Variants in MAST4 observed in about 807,000 individuals in gnomAD.
MAST4 encodes the protein microtubule-associated serine/threonine-protein kinase 4.
In MAST4, 89 loss-of-function variants were observed where a neutral mutation model predicts 162.7. The observed-to-expected ratio is 0.55, with a 90% CI of 0.46 to 0.65. MAST4 has a LOEUF of 0.65. MAST4 is among the 30% of genes least tolerant of loss of function. The pLI, the probability that MAST4 is intolerant of heterozygous loss-of-function variation, is 0.00. For synonymous variants in MAST4, 1,479 were observed against 1,361.1 expected (o/e 1.09, Z -1.91); for missense variants, 3,153 against 3,374.0 (o/e 0.93, Z 1.62).
chr5:66,752,270 A>T (rs898155722), intron 1 of MAST4, among the ~76,000 whole-genome samples: 2 of 152,198 alleles, frequency 1.3e-5, no homozygotes, highest in African/African-American at 4.8e-5. Context: ...CATCATAATG[A>T]CAGGATCAAA....
chr5:66,890,527 A>C (rs1391740543), intron 3 of MAST4, among the ~76,000 whole-genome samples: 1 of 152,202 alleles, frequency 6.6e-6, no homozygotes, highest in South Asian at 2.1e-4. Context: ...CTTCTGCTTT[A>C]AAAGGTCTGT....
chr5:67,114,295 T>C, intron 12 of MAST4, 76 bp downstream of exon 12: 2 of 1,501,236 alleles, frequency 1.3e-6, no homozygotes, highest in South Asian at 2.5e-5. Flanking sequence ...AAGTGGCAAG[T>C]CTTTATTTTT....
chr5:66,869,788 T>C (rs1323047240), intron 3 of MAST4, among the ~76,000 whole-genome samples: 1 of 152,224 alleles, frequency 6.6e-6, no homozygotes, highest in Admixed American at 6.5e-5. Context: ...AGCCCTCATC[T>C]GAGGGTCATT....
intron 14 of MAST4, among the ~76,000 whole-genome samples, 192 bp from the exon 15 acceptor site, chr5:67,130,018 T>C (rs1581664970): frequency 6.6e-6 from 1 of 152,162 alleles, no homozygotes; most frequent in Admixed American, 6.5e-5. Context: ...CTGAAATAAT[T>C]TGAAAAAAAA....
intron 4 of MAST4, among the ~76,000 whole-genome samples, chr5:66,903,438 T>TTG (rs3042310): frequency 0.35 from 51,461 of 148,502 alleles, 9,121 homozygotes; most frequent in Non-Finnish European, 0.41. Flanking sequence ...ACACCTGTGT[T>TTG]TGTGTGTGTG....
At chr5:66,926,162 A>G (rs191088496) in intron 4 of MAST4, among the ~76,000 whole-genome samples, 4 of 152,290 alleles carry the variant, frequency 2.6e-5, no homozygotes, top group Non-Finnish European at 4.4e-5. Context: ...AATTATTTCC[A>G]ATTAGTCTGT....
intron 3 of MAST4, among the ~76,000 whole-genome samples, chr5:66,845,810 A>G (rs1370778287): frequency 6.6e-6 from 1 of 152,126 alleles, no homozygotes; most frequent in African/African-American, 2.4e-5. Flanking sequence ...CTTTAGGAAC[A>G]CTTTAAGATT....
At chr5:66,700,800 TACAC>T (rs10522165) in intron 1 of MAST4, among the ~76,000 whole-genome samples, 14,621 of 90,968 alleles carry the variant, frequency 0.16, 851 homozygotes, top group Admixed American at 0.27. Flanking sequence ...TATATATATA[TACAC>T]ACACACACAC....
intron 4 of MAST4, among the ~76,000 whole-genome samples, chr5:66,919,139 A>ACACACAC (rs1764313474): frequency 4.9e-5 from 4 of 81,096 alleles, no homozygotes. Context: ...CACACACACA[A>ACACACAC]ATTTGAGATT....
At chr5:66,835,933 G>A (rs148917063) in intron 3 of MAST4, among the ~76,000 whole-genome samples, 30 of 152,198 alleles carry the variant, frequency 2.0e-4, no homozygotes, top group Non-Finnish European at 3.7e-4. Context: ...ATTTTGGGAG[G>A]CCGAGGTGGG....
At chr5:66,856,385 T>C (rs1468653389) in intron 3 of MAST4, among the ~76,000 whole-genome samples, 1 of 152,124 alleles carries the variant, frequency 6.6e-6, no homozygotes, top group Non-Finnish European at 1.5e-5. Context: ...ATGGTTTGGA[T>C]GGGAAAATGT....
At position 67,049,008 on chromosome 5, in the gene MAST4, C is replaced by CACACATATATATACGT. The variant is rs1362965159; in HGVS notation, c.675-5395_675-5394insCACATATATATACGTA. On this transcript the variant is annotated intron_variant, in intron 4 of 28. Coordinates refer to ENST00000403625, the MANE Select transcript of MAST4 (RefSeq NM_001164664.2). ...ATATGTATATATATATATACACACA[C>CACACATATATATACGT]ATATATATATATACGTATATATATA... Among the ~76,000 whole-genome samples the CACACATATATATACGT allele has an allele frequency of 9.6e-5, 10 of 104,512 alleles. No individual in the cohort carries two copies. The East Asian group carries it at 1.1e-3, about 11-fold the overall frequency. The allele number at this position is 104,512 out of a possible 152,430, so 68.6% of individuals were successfully genotyped here.
intron 5 of MAST4, among the ~76,000 whole-genome samples, chr5:67,055,481 C>T (rs902637681): frequency 6.6e-6 from 1 of 152,146 alleles, no homozygotes; most frequent in Non-Finnish European, 1.5e-5. Context: ...TTCTTAAGCT[C>T]AGGGAGCCTT....
chr5:67,057,877 G>A (rs1759051541), intron 5 of MAST4, among the ~76,000 whole-genome samples: 1 of 151,592 alleles, frequency 6.6e-6, no homozygotes, highest in Non-Finnish European at 1.5e-5. Context: ...GGCAAAAGGT[G>A]CAAATAGCAT....
intron 4 of MAST4, among the ~76,000 whole-genome samples, chr5:67,024,674 C>T (rs1348113269): frequency 1.3e-5 from 2 of 151,928 alleles, no homozygotes; most frequent in African/African-American, 2.4e-5. Flanking sequence ...TCTAAACTTG[C>T]TTTTGAATAC....
intron 5 of MAST4, among the ~76,000 whole-genome samples, chr5:67,070,266 A>G (rs896860978): frequency 1.3e-5 from 2 of 151,908 alleles, no homozygotes; most frequent in African/African-American, 4.8e-5. Context: ...AGATGTACAT[A>G]CCTCCCCTGA....
chr5:66,672,239 G>A (rs527247838), intron 1 of MAST4, among the ~76,000 whole-genome samples: 1 of 151,966 alleles, frequency 6.6e-6, no homozygotes, highest in Non-Finnish European at 1.5e-5. Flanking sequence ...AACCTTCCTC[G>A]CCCCGAAGAA....
chr5:66,672,798 C>T (rs1747690014), intron 1 of MAST4, among the ~76,000 whole-genome samples: 1 of 152,246 alleles, frequency 6.6e-6, no homozygotes, highest in South Asian at 2.1e-4. Flanking sequence ...GGGATTTATA[C>T]CCAGGGGCAG....
intron 11 of MAST4, among the ~76,000 whole-genome samples, chr5:67,111,312 G>A (rs1051546269): frequency 1.3e-5 from 2 of 152,122 alleles, no homozygotes; most frequent in South Asian, 2.1e-4. Context: ...CAGTGCTTTG[G>A]TCTTGCCCTT....
Sources: gnomAD v4.1 joint callset for allele counts (sites outside exome capture counted in the v4.1 genomes callset) on GRCh38, gnomAD v4.1.1 for gene constraint, MANE v1.5 for transcripts, NCBI Gene and HGNC (gene_info 2026-07-23, HGNC 2026-07-21) for gene names.